The following LRRTM4 variants were observed in gnomAD, a reference collection of about 807,000 sequenced individuals.
The protein encoded by LRRTM4 is leucine rich repeat transmembrane neuronal 4.
A neutral mutation model predicts 47.6 loss-of-function variants in LRRTM4; 25 were observed. That is an observed-to-expected ratio of 0.53 (90% CI 0.38 to 0.73). LRRTM4 has a LOEUF of 0.73. Ranked by LOEUF, LRRTM4 falls within the 30% of genes least tolerant of loss-of-function variation. LRRTM4 has a pLI of 0.00. For synonymous variants in LRRTM4, 311 were observed against 269.5 expected (o/e 1.15, Z -1.51); for missense variants, 638 against 713.4 (o/e 0.89, Z 1.20).
At chr2:77,305,767 C>T (rs890663848) in intron 3 of LRRTM4, among the ~76,000 whole-genome samples, 2 of 151,922 alleles carry the variant, frequency 1.3e-5, no homozygotes, top group Non-Finnish European at 2.9e-5. Context: ...GAGAAATGTG[C>T]AAAGTATTAT....
chr2:77,430,742 GA>G (rs1225308404), intron 3 of LRRTM4, among the ~76,000 whole-genome samples: 2 of 145,428 alleles, frequency 1.4e-5, no homozygotes, highest in Non-Finnish European at 3.0e-5. Flanking sequence ...AAAGAAAAAA[GA>G]AAAGGAACTG....
intron 3 of LRRTM4, among the ~76,000 whole-genome samples, chr2:77,080,251 CTGGT>C (rs1409423375): frequency 5.3e-5 from 8 of 152,156 alleles, no homozygotes; most frequent in African/African-American, 9.7e-5. Flanking sequence ...CCTTACATAA[CTGGT>C]TGGTTGTTTT....
chr2:76,792,445 A>G (rs1675027327), intron 3 of LRRTM4, among the ~76,000 whole-genome samples: 1 of 152,166 alleles, frequency 6.6e-6, no homozygotes, highest in Non-Finnish European at 1.5e-5. Flanking sequence ...TCTGCTGGGA[A>G]CTATGGTAAT....
At chr2:77,366,127 G>A (rs1042783713) in intron 3 of LRRTM4, among the ~76,000 whole-genome samples, 3 of 147,822 alleles carry the variant, frequency 2.0e-5, no homozygotes, top group Non-Finnish European at 3.0e-5. Flanking sequence ...TTTATTAGAA[G>A]AATCATTAAT....
chr2:76,863,224 G>A (rs13383103), intron 3 of LRRTM4, among the ~76,000 whole-genome samples: 3,764 of 152,214 alleles, frequency 0.025, 145 homozygotes, highest in African/African-American at 0.085. Flanking sequence ...AGATAATTCA[G>A]TCCTCATGAG....
At chr2:77,413,598 A>G (rs1158416562) in intron 3 of LRRTM4, among the ~76,000 whole-genome samples, 1 of 152,196 alleles carries the variant, frequency 6.6e-6, no homozygotes, top group Non-Finnish European at 1.5e-5. Context: ...ACCTAAATGT[A>G]ACAATTAGAA....
At chr2:77,401,241 A>G (rs1262852414) in intron 3 of LRRTM4, among the ~76,000 whole-genome samples, 1 of 151,956 alleles carries the variant, frequency 6.6e-6, no homozygotes, top group Non-Finnish European at 1.5e-5. Flanking sequence ...GGTAAGGCCC[A>G]GCAATTGCAC....
chr2:76,840,704 G>C (rs970518621), intron 3 of LRRTM4, among the ~76,000 whole-genome samples: 1 of 152,156 alleles, frequency 6.6e-6, no homozygotes, highest in Non-Finnish European at 1.5e-5. Flanking sequence ...AAACAAAAGA[G>C]AGAGAGAAAG....
intron 3 of LRRTM4, among the ~76,000 whole-genome samples, chr2:76,964,583 C>T (rs1007931214): frequency 6.6e-6 from 1 of 150,414 alleles, no homozygotes; most frequent in Admixed American, 6.7e-5. Flanking sequence ...ATATTGAAAA[C>T]TGAAATAAAA....
At chr2:77,485,876 A>G (rs1049739276) in intron 3 of LRRTM4, among the ~76,000 whole-genome samples, 1 of 151,232 alleles carries the variant, frequency 6.6e-6, no homozygotes, top group East Asian at 1.9e-4. Flanking sequence ...GACTACAGGC[A>G]TGCACCACCA....
chr2:76,974,946 T>C (rs1947115), intron 3 of LRRTM4, among the ~76,000 whole-genome samples: 37,965 of 151,468 alleles, frequency 0.25, 6,159 homozygotes, highest in African/African-American at 0.46. Flanking sequence ...TTTATATTTA[T>C]GTTCTATTTC....
intron 3 of LRRTM4, among the ~76,000 whole-genome samples, chr2:77,006,262 A>C (rs868839498): frequency 7.2e-5 from 11 of 152,162 alleles, no homozygotes; most frequent in Admixed American, 3.3e-4. Flanking sequence ...TCTGGACCCT[A>C]ACACTTTGGG....
rs951975087 is a variant in LRRTM4, at chr2:77,417,220, G to A, written c.1551+101098C>T. Among the ~76,000 whole-genome samples the A allele has an allele frequency of 1.3e-4, 20 of 152,198 alleles. No individual in the cohort carries two copies. The East Asian group carries it at 1.7e-3, about 13-fold the overall frequency. On this transcript the variant is annotated intron_variant, in intron 3 of 3. Coordinates refer to ENST00000409884, the MANE Select transcript of LRRTM4 (RefSeq NM_001134745.3). ...CCATCTCACACCAGTTAGAATGGCA[G>A]TCATTAAAAGGTCAGGAAACAACAG...
chr2:77,217,666 T>C (rs1018125141), intron 3 of LRRTM4, among the ~76,000 whole-genome samples: 3 of 151,532 alleles, frequency 2.0e-5, no homozygotes, highest in African/African-American at 7.3e-5. Flanking sequence ...TGTTTTGAGA[T>C]GGTTTCTTTA....
At chr2:77,008,055 A>G (rs759982971) in intron 3 of LRRTM4, among the ~76,000 whole-genome samples, 8 of 152,204 alleles carry the variant, frequency 5.3e-5, no homozygotes, top group African/African-American at 1.4e-4. Context: ...AAACCACACC[A>G]AAGTGAACAA....
intron 3 of LRRTM4, among the ~76,000 whole-genome samples, chr2:77,075,478 G>A (rs1680301620): frequency 6.6e-6 from 1 of 152,108 alleles, no homozygotes; most frequent in South Asian, 2.1e-4. Context: ...ATATAGCCAA[G>A]GTGGCAGCAA....
intron 3 of LRRTM4, among the ~76,000 whole-genome samples, chr2:77,444,499 G>A (rs1291969501): frequency 1.3e-5 from 2 of 152,042 alleles, no homozygotes; most frequent in South Asian, 2.1e-4. Flanking sequence ...TTTCCAGGAT[G>A]GGAAGAGAAG....
intron 3 of LRRTM4, among the ~76,000 whole-genome samples, chr2:77,431,589 A>C (rs1245354126): frequency 1.3e-5 from 2 of 149,046 alleles, no homozygotes; most frequent in Non-Finnish European, 2.9e-5. Context: ...TCAAAAGTCT[A>C]AAGTCCAGAG....
At chr2:77,045,866 A>AT (rs1355357122) in intron 3 of LRRTM4, among the ~76,000 whole-genome samples, 1 of 151,880 alleles carries the variant, frequency 6.6e-6, no homozygotes, top group Non-Finnish European at 1.5e-5. Context: ...CCATAATCAA[A>AT]TTTTTCTGAT....
Sources: gnomAD v4.1 joint callset for allele counts (sites outside exome capture counted in the v4.1 genomes callset) on GRCh38, gnomAD v4.1.1 for gene constraint, MANE v1.5 for transcripts, NCBI Gene and HGNC (gene_info 2026-07-23, HGNC 2026-07-21) for gene names.